NTRK3: variants seen among roughly 807,000 people sequenced by gnomAD.
The protein encoded by NTRK3 is NT-3 growth factor receptor.
NTRK3 carries 24 observed loss-of-function variants against 91.7 expected under a neutral mutation model. The ratio of observed to expected loss-of-function variants is 0.26; its 90% CI spans 0.19 to 0.37. NTRK3 has a LOEUF of 0.37. Ranked by LOEUF, NTRK3 falls within the 10% of genes least tolerant of loss-of-function variation. The pLI, the probability that NTRK3 is intolerant of heterozygous loss-of-function variation, is 1.00. For missense variants in NTRK3, 880 were observed against 1,068.9 expected (o/e 0.82, Z 2.46); for synonymous variants, 483 against 404.0 (o/e 1.20, Z -2.34).
Position 87,991,466 on chromosome 15 carries a change from G to A in NTRK3, c.1585+41391C>T, listed in dbSNP as rs571074599. Among the ~76,000 whole-genome samples, 5 of 152,272 alleles carry A rather than the reference G, an allele frequency of 3.3e-5. No homozygotes were observed. The South Asian group carries it at 1.0e-3, about 32-fold the overall frequency. On this transcript the variant is annotated intron_variant, in intron 14 of 18. Coordinates refer to ENST00000394480, the Ensembl canonical transcript of NTRK3. ...CCTCCATCATTAATGTCCATCTCCT[G>A]TGCGGTGACTTCTAGCCCTTTATCT...
intron 5 of NTRK3, among the ~76,000 whole-genome samples, chr15:88,160,943 C>A (rs998879032): frequency 2.1e-4 from 32 of 152,158 alleles, no homozygotes; most frequent in Admixed American, 2.1e-3. Flanking sequence ...CTCTCTGGAC[C>A]TCAGATTCTT....
chr15:87,935,448 CAG>C (rs1366526971), intron 15 of NTRK3, among the ~76,000 whole-genome samples: 2 of 152,198 alleles, frequency 1.3e-5, no homozygotes, highest in African/African-American at 2.4e-5. Flanking sequence ...TTTGAGAAGT[CAG>C]AGAGTCATGG....
intron 14 of NTRK3, among the ~76,000 whole-genome samples, chr15:87,992,688 C>CAG (rs2075383310): frequency 6.6e-6 from 1 of 152,214 alleles, no homozygotes; most frequent in African/African-American, 2.4e-5. Context: ...TGGTATGGAC[C>CAG]CTGGTTTGTG....
intron 13 of NTRK3, among the ~76,000 whole-genome samples, chr15:88,056,191 TATATATATATA>T (rs2045663455): frequency 1.0e-5 from 1 of 98,848 alleles, no homozygotes; most frequent in East Asian, 2.4e-4. Flanking sequence ...TATATATATA[TATATATATATA>T]TTTTTTTTTT....
chr15:88,045,758 C>A (rs562823027), intron 13 of NTRK3, among the ~76,000 whole-genome samples: 15 of 152,330 alleles, frequency 9.8e-5, no homozygotes, highest in African/African-American at 3.6e-4. Context: ...CATTCCTTGG[C>A]ATGTTAATGC....
exon 19 of NTRK3, chr15:87,866,680 C>G: frequency 5.2e-6 from 1 of 190,538 alleles, no homozygotes; most frequent in Non-Finnish European, 1.1e-5. Flanking sequence ...GGTCTTCCAG[C>G]TCCTTCAGCA....
chr15:88,011,763 A>G (rs1171226647), intron 14 of NTRK3, among the ~76,000 whole-genome samples: 1 of 152,200 alleles, frequency 6.6e-6, no homozygotes, highest in Admixed American at 6.6e-5. Flanking sequence ...CAGTAATGTC[A>G]GGGAAAGTCT....
chr15:88,113,258 C>T (rs1386133163), intron 13 of NTRK3, among the ~76,000 whole-genome samples: 1 of 150,366 alleles, frequency 6.7e-6, no homozygotes, highest in Non-Finnish European at 1.5e-5. Context: ...TTATGACCTG[C>T]TTCTTCAAAT....
chr15:88,038,454 G>A (rs1020596963), intron 13 of NTRK3, among the ~76,000 whole-genome samples: 3 of 152,148 alleles, frequency 2.0e-5, no homozygotes, highest in Non-Finnish European at 4.4e-5. Flanking sequence ...AGTCCAGCAG[G>A]GCTCCTTATA....
rs140733303 is a variant in NTRK3 at position 88,034,155 on chromosome 15, A to G, written c.1397-1110T>C. Among the ~76,000 whole-genome samples the G allele has an allele frequency of 3.0e-3, 457 of 152,286 alleles. 1 individual carries two copies. The highest frequency in any genetic ancestry group is 0.01 in the African/African-American group (423 of 41,564). ...AACCCTCCCTTGTTCACAGGGAGGT[A>G]AGTCCACTGTGGGCCTGGACCTAAG... On this transcript the variant is annotated intron_variant, in intron 13 of 18. Transcript: ENST00000394480.
At chr15:87,952,211 A>C (rs958841401) in intron 14 of NTRK3, among the ~76,000 whole-genome samples, 3 of 150,194 alleles carry the variant, frequency 2.0e-5, no homozygotes, top group Non-Finnish European at 4.4e-5. Flanking sequence ...AGAAAGAAAG[A>C]AGAAAAGAAA....
chr15:88,255,489 ACCGCCGCTG>A lies in NTRK3; in HGVS notation c.248+408_248+416del, dbSNP rs2053943662. Among the ~76,000 whole-genome samples, 1 of 151,896 alleles carries A rather than the reference ACCGCCGCTG, an allele frequency of 6.6e-6. No homozygotes were observed. On this transcript the variant is annotated intron_variant, in intron 3 of 18. Transcript: ENST00000394480. This position sits in a 1 kb window ranked among gnomAD's most constrained non-coding sequence, Gnocchi z 4.3. ...CCGGCTAAGCGCTGCCGCCGCTGCCACCGCCGCTGCCGCCTCTGCCAAAGAATCGAACCT... is the reference window on the plus strand; with the variant it reads ...CCGGCTAAGCGCTGCCGCCGCTGCCACCGCCTCTGCCAAAGAATCGAACCT...
rs540503634 is a variant in NTRK3, at chr15:87,864,982, C to T, written c.*11953G>A. The T allele has an allele frequency of 2.1e-3, 447 of 213,676 alleles. 2 individuals carry two copies. The highest frequency in any genetic ancestry group is 9.1e-3 in the African/African-American group (402 of 44,234). The allele number at this position is 213,676 out of a possible 1,614,324, so 13.2% of individuals were successfully genotyped here. ...GCTTTTTGTCTACTGAACAGTAGTC[C>T]GAAACAGAGGTGTTGCTTTTCTACA... is the stretch of plus-strand genomic sequence containing the variant. On this transcript the variant is annotated 3_prime_UTR_variant, in exon 19 of 19. Transcript: ENST00000394480.
intron 15 of NTRK3, among the ~76,000 whole-genome samples, chr15:87,938,955 T>G (rs906812601): frequency 6.6e-6 from 1 of 152,208 alleles, no homozygotes; most frequent in African/African-American, 2.4e-5. Flanking sequence ...CTCTTGTTTA[T>G]TTTCTAGAGC....
chr15:88,126,475 T>C (rs2053296440), intron 12 of NTRK3, 102 bp from the exon 13 acceptor site: 1 of 730,036 alleles, frequency 1.4e-6, no homozygotes, highest in Non-Finnish European at 2.4e-6. Flanking sequence ...ACTGCCATAG[T>C]AATTGTAGCC....
chr15:87,950,225 T>G (rs2070971297), intron 14 of NTRK3, among the ~76,000 whole-genome samples: 1 of 152,174 alleles, frequency 6.6e-6, no homozygotes, highest in African/African-American at 2.4e-5. Context: ...GAGATGCAGC[T>G]CCATGATGAA....
chr15:88,239,940 G>A (rs1281259020), intron 3 of NTRK3, among the ~76,000 whole-genome samples: 2 of 152,122 alleles, frequency 1.3e-5, no homozygotes, highest in South Asian at 2.1e-4. Context: ...CTGGGGTGGG[G>A]CCCAGCGGTC....
intron 17 of NTRK3, among the ~76,000 whole-genome samples, chr15:87,911,578 A>G (rs1019508837): frequency 2.0e-5 from 3 of 152,166 alleles, no homozygotes; most frequent in Admixed American, 6.5e-5. Context: ...GGTGTCAACT[A>G]TCTCTAGCGT....
intron 5 of NTRK3, among the ~76,000 whole-genome samples, chr15:88,154,298 G>A (rs1051053329): frequency 6.6e-6 from 1 of 152,086 alleles, no homozygotes; most frequent in Non-Finnish European, 1.5e-5. Context: ...GCTGCCGCCA[G>A]CCTCCTTGGG....
Sources: gnomAD v4.1 joint callset for allele counts (sites outside exome capture counted in the v4.1 genomes callset) on GRCh38, gnomAD v4.1.1 for gene constraint, Gnocchi (gnomAD v3.1) non-coding constraint, MANE v1.5 for transcripts, NCBI Gene and HGNC (gene_info 2026-07-23, HGNC 2026-07-21) for gene names.